CYFIP1: variants seen among roughly 807,000 people sequenced by gnomAD.
CYFIP1 encodes cytoplasmic FMR1 interacting protein 1.
Under a neutral mutation model 163.5 loss-of-function variants are expected in CYFIP1, and 58 were observed. The observed-to-expected ratio is 0.35, with a 90% CI of 0.29 to 0.44. The LOEUF (loss-of-function observed/expected upper bound fraction) is 0.44, where lower values mean the gene tolerates loss of function less well. CYFIP1 is among the 20% of genes least tolerant of loss of function. The probability of loss-of-function intolerance (pLI) is 1.00; values close to 1 mark genes in which losing one functional copy is unlikely to be tolerated. For missense variants in CYFIP1, 1,338 were observed against 1,653.8 expected (o/e 0.81, Z 3.31); for synonymous variants, 663 against 660.7 (o/e 1.00, Z -0.05).
At chr15:22,960,450 T>C (rs1440032954) in intron 1 of CYFIP1, among the ~76,000 whole-genome samples, 3 of 152,122 alleles carry the variant, frequency 2.0e-5, no homozygotes, top group African/African-American at 7.2e-5. Flanking sequence ...CCACAGAACA[T>C]CCCCAGTGAC....
intron 1 of CYFIP1, among the ~76,000 whole-genome samples, chr15:22,973,194 G>C (rs931750927): frequency 9.2e-5 from 14 of 151,772 alleles, no homozygotes; most frequent in Admixed American, 7.2e-4. Flanking sequence ...CACACCTGTA[G>C]TGCCAGGTAC....
At chr15:22,932,406 T>G in intron 10 of CYFIP1, 66 bp from the exon 11 acceptor site, 1 of 1,107,740 alleles carries the variant, frequency 9.0e-7, no homozygotes, top group South Asian at 1.7e-5. Flanking sequence ...CTGGGGCAGC[T>G]CAGGACGCCT....
intron 1 of CYFIP1, among the ~76,000 whole-genome samples, chr15:22,969,635 T>C (rs1392357276): frequency 1.3e-5 from 2 of 152,058 alleles, no homozygotes; most frequent in African/African-American, 2.4e-5. Flanking sequence ...AATAACAAAA[T>C]GACAGATGTA....
At chr15:22,871,061 G>A (rs1003219105) in intron 30 of CYFIP1, among the ~76,000 whole-genome samples, 4 of 152,192 alleles carry the variant, frequency 2.6e-5, no homozygotes, top group South Asian at 2.1e-4. Flanking sequence ...GGACCACACC[G>A]AAGACTCCCC....
intron 1 of CYFIP1, among the ~76,000 whole-genome samples, chr15:22,956,932 G>A (rs1222236859): frequency 1.3e-5 from 2 of 152,246 alleles, no homozygotes; most frequent in Admixed American, 6.5e-5. Context: ...TCCACCCTAG[G>A]TCAAGAGGGA....
At chr15:22,955,198 A>G (rs1238130147) in intron 1 of CYFIP1, among the ~76,000 whole-genome samples, 1 of 152,206 alleles carries the variant, frequency 6.6e-6, no homozygotes, top group Non-Finnish European at 1.5e-5. Context: ...CCTCAGATCC[A>G]CACAGATGCA....
In CYFIP1 at chr15:22,917,860, C is replaced by G. The variant is rs1394845203; in HGVS notation, c.1602G>C (p.Arg534=). The G allele has an allele frequency of 6.2e-7, 1 of 1,613,950 alleles. No individual in the cohort carries two copies. The highest frequency in any genetic ancestry group is 1.1e-5 in the South Asian group (1 of 91,070). ...GHEPFNDPAL[R]GEKDPKSGFD... is the part of the protein sequence containing the mutation. ...AGCCGCTCTTGGGGTCCTTCTCGCC[C>G]CGCAAGGCTGGGTCATTGAAGGGCT... Residue 534 remains arginine, a synonymous_variant, in exon 15 of 31, where the codon CGG becomes CGC. Coordinates refer to ENST00000617928, the MANE Select transcript of CYFIP1 (RefSeq NM_014608.6). The surrounding 1 kb of genome is among the most constrained non-coding windows in gnomAD (Gnocchi z 4.2).
intron 22 of CYFIP1, among the ~76,000 whole-genome samples, chr15:22,903,422 T>C (rs939682161): frequency 3.9e-5 from 6 of 151,970 alleles, no homozygotes; most frequent in Admixed American, 6.6e-5. Context: ...CACGGAAGCA[T>C]AAGAAGCAGA....
At chr15:22,959,651 G>A (rs982021874) in intron 1 of CYFIP1, among the ~76,000 whole-genome samples, 16 of 152,286 alleles carry the variant, frequency 1.1e-4, no homozygotes, top group African/African-American at 3.4e-4. Context: ...TGATTCCTGC[G>A]GCTTGAAGGA....
At chr15:22,954,515 C>T (rs1323477907) in intron 1 of CYFIP1, among the ~76,000 whole-genome samples, 1 of 152,244 alleles carries the variant, frequency 6.6e-6, no homozygotes, top group Non-Finnish European at 1.5e-5. Flanking sequence ...GCCAGACCTG[C>T]ATGAGCTCGG....
rs774228926 is a variant in CYFIP1 at position 22,943,319 on chromosome 15, C to A, written c.423G>T (p.Arg141Ser). The change falls in exon 6 of 31, where the codon AGG (arginine) becomes AGT (serine). Residue 141 changes from arginine (R) to serine (S), a missense_variant. By Grantham distance (110) the Arg-to-Ser change is moderately radical. Around this residue, in one of 4 missense-constraint regions of CYFIP1, gnomAD observed 186 missense variants for 288.3 expected, o/e 0.65. Transcript: ENST00000617928. ...NAIERFCGEV[R>S]RLCHAERRKD... The stretch of plus-strand genomic sequence containing the variant: ...TCCTCCTCTCGGCATGGCACAGGCG[C>A]CTCACTTCCCCGCAGAAACGCTCAA... 1 of 1,614,206 alleles carries A rather than the reference C, an allele frequency of 6.2e-7. No homozygotes were observed.
intron 1 of CYFIP1, among the ~76,000 whole-genome samples, chr15:22,964,353 T>TCACA (rs71117466): frequency 0.069 from 5,376 of 78,320 alleles, 205 homozygotes; most frequent in Admixed American, 0.098. Flanking sequence ...ACCTCATCAC[T>TCACA]CACACACACA....
rs376649215 is a variant in CYFIP1, at chr15:22,870,099, C to G, written c.3691G>C (p.Gly1231Arg). 1 of 1,612,970 alleles carries G rather than the reference C, an allele frequency of 6.2e-7. No homozygotes were observed. The highest frequency in any genetic ancestry group is 2.2e-5 in the East Asian group (1 of 44,828). ...ACATGCTCCACTGGCGTGCCCTCCC[C>G]GTCGCCTGACTTCAGGTACTTATCC... ...ILDKYLKSGD[G>R]EGTPVEHVRC... The change falls in exon 31 of 31, where the codon GGG becomes CGG. Residue 1231 changes from glycine (G) to arginine (R), a missense_variant. Physicochemically the swap from Gly to Arg is moderately radical, Grantham distance 125 (BLOSUM62 -2). Around this residue, in one of 4 missense-constraint regions of CYFIP1, gnomAD observed 306 missense variants for 322.1 expected, o/e 0.95. Transcript: ENST00000617928.
At chr15:22,976,116 G>C (rs2063267569) in intron 1 of CYFIP1, among the ~76,000 whole-genome samples, 1 of 151,548 alleles carries the variant, frequency 6.6e-6, no homozygotes, top group Non-Finnish European at 1.5e-5. Flanking sequence ...CTAAGTATTT[G>C]ATTCCTTTGA....
Position 22,939,520 on chromosome 15 carries a change from A to G in CYFIP1, c.570-13T>C. On this transcript the variant is annotated splice_polypyrimidine_tract_variant and intron_variant, in intron 6 of 30. Coordinates refer to ENST00000617928, the MANE Select transcript of CYFIP1 (RefSeq NM_014608.6). ...AAACTGAGCGGCCCTTTGAAAACAA[A>G]AAGAATTCATCCCAAAATGCACCAA... The G allele has an allele frequency of 6.2e-7, 1 of 1,606,422 alleles. No individual in the cohort carries two copies. Among genetic ancestry groups the G allele is most frequent in the Non-Finnish European group, 8.5e-7 (1 of 1,175,328 alleles).
intron 25 of CYFIP1, among the ~76,000 whole-genome samples, chr15:22,880,853 C>T (rs1234506002): frequency 1.3e-5 from 2 of 152,082 alleles, no homozygotes; most frequent in African/African-American, 2.4e-5. Flanking sequence ...GGGGTGGGGG[C>T]GGGGACGCTC....
At chr15:22,949,531 A>C (rs563560787) in intron 1 of CYFIP1, among the ~76,000 whole-genome samples, 16 of 152,332 alleles carry the variant, frequency 1.1e-4, no homozygotes, top group African/African-American at 3.6e-4. Context: ...GGCGCAGGAC[A>C]CACAACGACC....
chr15:22,967,069 T>G (rs1489033300), intron 1 of CYFIP1, among the ~76,000 whole-genome samples: 2 of 151,954 alleles, frequency 1.3e-5, no homozygotes. Flanking sequence ...ACTTAATAAG[T>G]AAGCATAATT....
At chr15:22,950,020 T>C (rs1026787049) in intron 1 of CYFIP1, among the ~76,000 whole-genome samples, 4 of 152,036 alleles carry the variant, frequency 2.6e-5, no homozygotes, top group South Asian at 2.1e-4. Context: ...GCAAAATAGA[T>C]AACATATAAT....
Sources: gnomAD v4.1 joint callset for allele counts (sites outside exome capture counted in the v4.1 genomes callset) on GRCh38, gnomAD v4.1.1 for gene constraint, gnomAD v4.1.1 regional missense constraint, Gnocchi (gnomAD v3.1) non-coding constraint, MANE v1.5 for transcripts, NCBI Gene and HGNC (gene_info 2026-07-23, HGNC 2026-07-21) for gene names.